Variants in JRK observed in about 807,000 individuals in gnomAD.
JRK encodes the protein jerky protein homolog.
For missense variants in JRK, 720 were observed against 509.2 expected (o/e 1.41, Z -3.98); for synonymous variants, 303 against 218.1 (o/e 1.39, Z -3.43).
At chr8:142,652,476 A>G (rs782674863), downstream of JRK, among the ~76,000 whole-genome samples, 5 of 152,350 alleles carry the variant, frequency 3.3e-5, no homozygotes, top group East Asian at 1.9e-4. Context: ...TCATAGGTAG[A>G]TAAGAGACAA....
chr8:142,668,347 C>G (rs1316388468), intron 1 of JRK, among the ~76,000 whole-genome samples: 1 of 152,244 alleles, frequency 6.6e-6, no homozygotes, highest in Admixed American at 6.5e-5. Flanking sequence ...GTACTGTCCT[C>G]TTCCGGAGTC....
At chr8:142,655,740 C>T (rs587673562), downstream of JRK, among the ~76,000 whole-genome samples, 1 of 152,326 alleles carries the variant, frequency 6.6e-6, no homozygotes, top group African/African-American at 2.4e-5. Flanking sequence ...AGCACAGGTC[C>T]CACTAAGCGC....
At position 142,661,285 on chromosome 8, in the gene JRK, A is replaced by G. The variant is rs1416162963; in HGVS notation, c.*3067T>C. The stretch of plus-strand genomic sequence containing the variant: ...CAACCCCAACGTAGAAGGGGCTGAA[A>G]GACCACCTACCCATCCTAACCCCTG... On this transcript the variant is annotated 3_prime_UTR_variant, in exon 2 of 2. Transcript: ENST00000612905. 6.1e-6 allele frequency: 6 copies of G among 985,342 alleles called. No individual in the cohort carries two copies. The highest frequency in any genetic ancestry group is 7.2e-6 in the Non-Finnish European group (6 of 829,988). The allele number at this position is 985,342 out of a possible 1,614,324, so 61.0% of individuals were successfully genotyped here. A position where few individuals can be genotyped will look rare whatever the true frequency, so the allele number is the denominator to read the frequency against.
In JRK at chr8:142,666,150, G is replaced by A. The variant is rs782703573; in HGVS notation, c.-92C>T. 94 of 1,546,584 alleles carry A rather than the reference G, an allele frequency of 6.1e-5. No individual in the cohort carries two copies. The highest frequency in any genetic ancestry group is 4.2e-4 in the Middle Eastern group (2 of 4,754). The stretch of plus-strand genomic sequence containing the variant: ...CCTCTCCTCCTGCTCCCCTTCTGGG[G>A]CTCCGTCTCTCCCTCTCCACTCTGC... On this transcript the variant is annotated 5_prime_UTR_variant, in exon 2 of 2. Coordinates refer to ENST00000612905, the MANE Select transcript of JRK (RefSeq NM_003724.4).
chr8:142,659,480 G>A lies in JRK; in HGVS notation c.*4872C>T, dbSNP rs1387208230. ...AGCCAGCCTGGGTGTGGAAATGGCC[G>A]TGCTGACAGGCTCTCTGCGATAGGG... is the stretch of plus-strand genomic sequence containing the variant. On this transcript the variant is annotated 3_prime_UTR_variant, in exon 2 of 2. Transcript: ENST00000612905. 12 of 986,332 alleles carry A rather than the reference G, an allele frequency of 1.2e-5. No individual in the cohort carries two copies. Among genetic ancestry groups the A allele is most frequent in the Middle Eastern group, 5.2e-4 (1 of 1,936 alleles). 61.1% of individuals were successfully genotyped at this position (986,332 alleles called of 1,614,324 possible).
At position 142,658,832 on chromosome 8, in the gene JRK, C is replaced by G; in HGVS notation, c.*5520G>C. On this transcript the variant is annotated 3_prime_UTR_variant, in exon 2 of 2. Transcript: ENST00000612905. The stretch of plus-strand genomic sequence containing the variant: ...ACAGAGGGGTCTTACCCAGCACTGC[C>G]ATGTGGCAGAAGTTCTCCAACATTA... 1 of 1,608,112 alleles carries G rather than the reference C, an allele frequency of 6.2e-7. No homozygotes were observed. The highest frequency in any genetic ancestry group is 8.5e-7 in the Non-Finnish European group (1 of 1,177,206).
the JRK span, among the ~76,000 whole-genome samples, chr8:142,650,208 G>A: frequency 6.6e-6 from 1 of 152,232 alleles, no homozygotes; most frequent in East Asian, 1.9e-4. Flanking sequence ...TACCCCCATT[G>A]TATCTAGGAA....
At chr8:142,652,640 T>G (rs1465642007), downstream of JRK, among the ~76,000 whole-genome samples, 1 of 152,152 alleles carries the variant, frequency 6.6e-6, no homozygotes, top group Non-Finnish European at 1.5e-5. Flanking sequence ...AATCCTCACC[T>G]CTGAATTTTA....
rs1587513060 is a variant in JRK at position 142,658,132 on chromosome 8, C to T, written c.*6220G>A. 1 of 152,290 alleles carries T rather than the reference C, an allele frequency of 6.6e-6. No individual in the cohort carries two copies. Among genetic ancestry groups the T allele is most frequent in the Non-Finnish European group, 1.5e-5 (1 of 68,086 alleles). The allele number at this position is 152,290 out of a possible 1,614,324, so 9.4% of individuals were successfully genotyped here. On this transcript the variant is annotated 3_prime_UTR_variant, in exon 2 of 2. Transcript: ENST00000612905. ...ATTCCAAGTCCCCCAGGGGCCTGGCCCATGACTGGCACTGAGGAGTTAGGG... is the reference window on the plus strand; with the variant it reads ...ATTCCAAGTCCCCCAGGGGCCTGGCTCATGACTGGCACTGAGGAGTTAGGG...
At chr8:142,656,353 C>G (rs587605187), downstream of JRK, among the ~76,000 whole-genome samples, 1 of 152,328 alleles carries the variant, frequency 6.6e-6, no homozygotes, top group South Asian at 2.1e-4. Context: ...GGAGCACAGC[C>G]TAGGTTATGC....
rs190470713 is a variant in JRK at position 142,664,994 on chromosome 8, G to C, written c.1065C>G (p.Ala355=). Residue 355 remains alanine, a synonymous_variant, in exon 2 of 2, where the codon GCC becomes GCG. Coordinates refer to ENST00000612905, the MANE Select transcript of JRK (RefSeq NM_003724.4). ...NPPVPLQGPH[A]RYNMNDAIFS... ...ATATGGCATCGTTCATGTTGTAGCG[G>C]GCGTGGGGGCCCTGCAGGGGGACCG... The C allele has an allele frequency of 5.1e-5, 37 of 724,602 alleles. No individual in the cohort carries two copies. The East Asian group carries it at 7.7e-4, about 15-fold the overall frequency. The allele number at this position is 724,602 out of a possible 1,614,324, so 44.9% of individuals were successfully genotyped here.
At chr8:142,645,151 G>A in the JRK span, among the ~76,000 whole-genome samples, 1 of 152,130 alleles carries the variant, frequency 6.6e-6, no homozygotes, top group Non-Finnish European at 1.5e-5. Flanking sequence ...ATCTGAAGAT[G>A]GAGATTTAGT....
intron 1 of JRK, among the ~76,000 whole-genome samples, chr8:142,667,061 C>A (rs1235783775): frequency 2.0e-5 from 3 of 152,230 alleles, no homozygotes; most frequent in Admixed American, 6.5e-5. Flanking sequence ...TGGAGCAGGT[C>A]TCTAAACTCC....
Position 142,664,138 on chromosome 8 carries a change from C to G in JRK, c.*214G>C. Reference sequence around the variant, plus strand: ...AACATTTCCTCACTTTCGGATGACACGGCAAGTGATAAAATAAAACCTGTA... The same window carrying G: ...AACATTTCCTCACTTTCGGATGACAGGGCAAGTGATAAAATAAAACCTGTA... On this transcript the variant is annotated 3_prime_UTR_variant, in exon 2 of 2. Coordinates refer to ENST00000612905, the MANE Select transcript of JRK (RefSeq NM_003724.4). 1 of 1,331,882 alleles carries G rather than the reference C, an allele frequency of 7.5e-7. No individual in the cohort carries two copies. Among genetic ancestry groups the G allele is most frequent in the Non-Finnish European group, 9.6e-7 (1 of 1,044,984 alleles). 82.5% of individuals were successfully genotyped at this position (1,331,882 alleles called of 1,614,324 possible).
chr8:142,660,035 T>TGGG lies in JRK; in HGVS notation c.*4314_*4316dup. On this transcript the variant is annotated 3_prime_UTR_variant, in exon 2 of 2. Transcript: ENST00000612905. ...GTGGGGCTGGGAGCTGGGGCTCATGTGGGAGGCTGGTGGCTGCCATGGCTG... is the reference window on the plus strand; with the variant it reads ...GTGGGGCTGGGAGCTGGGGCTCATGTGGGGGGAGGCTGGTGGCTGCCATGGCTG... 2.0e-6 allele frequency: 2 copies of TGGG among 985,924 alleles called. No individual in the cohort carries two copies. Among genetic ancestry groups the TGGG allele is most frequent in the Middle Eastern group, 1.0e-3 (2 of 1,918 alleles). 61.1% of individuals were successfully genotyped at this position (985,924 alleles called of 1,614,324 possible).
chr8:142,664,310 G>T lies in JRK; in HGVS notation c.*42C>A. 1 of 1,515,788 alleles carries T rather than the reference G, an allele frequency of 6.6e-7. No homozygotes were observed. 93.9% of individuals were successfully genotyped at this position (1,515,788 alleles called of 1,614,324 possible). ...CAGGACCATGCCACTCCAGGGTGTG[G>T]GGAGAAACAGGGCCAGTGGCCAGGG... On this transcript the variant is annotated 3_prime_UTR_variant, in exon 2 of 2. Coordinates refer to ENST00000612905, the MANE Select transcript of JRK (RefSeq NM_003724.4).
rs587698145 is a variant in JRK at position 142,667,523 on chromosome 8, C to A, written c.-462-1003G>T. On this transcript the variant is annotated intron_variant, in intron 1 of 1. Transcript: ENST00000612905. ...CACGCTCAGAGGACACAGGAACAAG[C>A]TAGCCCAGAGCAGGAACTTCTTTAG... Among the ~76,000 whole-genome samples, 7 of 152,144 alleles carry A rather than the reference C, an allele frequency of 4.6e-5. No individual in the cohort carries two copies. In the South Asian group the frequency reaches 1.5e-3, roughly 32 times the overall value.
chr8:142,647,395 C>T, the JRK span, among the ~76,000 whole-genome samples: 1 of 152,196 alleles, frequency 6.6e-6, no homozygotes, highest in Non-Finnish European at 1.5e-5. Context: ...TCACCCAAAT[C>T]TCATCTTGAA....
At chr8:142,666,790 T>G (rs1360771883) in intron 1 of JRK, among the ~76,000 whole-genome samples, 1 of 152,122 alleles carries the variant, frequency 6.6e-6, no homozygotes, top group Non-Finnish European at 1.5e-5. Flanking sequence ...GAGACGTGGC[T>G]CTCATAGGAG....
Sources: gnomAD v4.1 joint callset for allele counts (sites outside exome capture counted in the v4.1 genomes callset) on GRCh38, gnomAD v4.1.1 for gene constraint, MANE v1.5 for transcripts, NCBI Gene and HGNC (gene_info 2026-07-23, HGNC 2026-07-21) for gene names.